The following CSGALNACT1 variants were observed in gnomAD, a reference collection of about 807,000 sequenced individuals.
The protein encoded by CSGALNACT1 is beta4GalNAcT-1.
CSGALNACT1 carries 52 observed loss-of-function variants against 51.0 expected under a neutral mutation model. That is an observed-to-expected ratio of 1.02 (90% CI 0.82 to 1.29). CSGALNACT1 has a LOEUF of 1.29. Among genes scored for constraint, CSGALNACT1 ranks in the 50% most tolerant of loss-of-function variants. The pLI is 0.00. For missense variants in CSGALNACT1, 935 were observed against 679.2 expected (o/e 1.38, Z -4.19); for synonymous variants, 341 against 254.4 (o/e 1.34, Z -3.24).
intron 1 of CSGALNACT1, among the ~76,000 whole-genome samples, chr8:19,733,132 A>G (rs556847982): frequency 6.6e-6 from 1 of 152,376 alleles, no homozygotes; most frequent in African/African-American, 2.4e-5. Flanking sequence ...AAGTGAAAAG[A>G]ACAATCAGTA....
chr8:19,640,043 T>C (rs543730029), intron 1 of CSGALNACT1, among the ~76,000 whole-genome samples: 2 of 151,952 alleles, frequency 1.3e-5, no homozygotes, highest in African/African-American at 4.8e-5. Flanking sequence ...ACCATGCCCA[T>C]TCAACCAAGC....
At chr8:19,702,554 G>C (rs2061938815) in intron 1 of CSGALNACT1, among the ~76,000 whole-genome samples, 1 of 151,964 alleles carries the variant, frequency 6.6e-6, no homozygotes, top group Non-Finnish European at 1.5e-5. Flanking sequence ...TCTTCAACCT[G>C]CATCTGCTCC....
At position 19,457,561 on chromosome 8, in the gene CSGALNACT1, A is replaced by G. The variant is rs559425131; in HGVS notation, c.851+865T>C. On this transcript the variant is annotated intron_variant, in intron 5 of 9. Coordinates refer to ENST00000454498, the Ensembl canonical transcript of CSGALNACT1. The stretch of plus-strand genomic sequence containing the variant: ...CTGGGAGGTGAAGGTTGCAGTGAGC[A>G]GAGTTCGTGCCACTGCACTCCAGCC... The G allele has an allele frequency of 9.3e-5, 63 of 678,198 alleles. 1 individual carries two copies. Among genetic ancestry groups the G allele is most frequent in the Non-Finnish European group, 1.4e-4 (62 of 434,724 alleles). The allele number at this position is 678,198 out of a possible 1,614,324, so 42.0% of individuals were successfully genotyped here.
rs568252438 is a variant in CSGALNACT1 at position 19,677,100 on chromosome 8, T to C, written c.-544+5373A>G. Among the ~76,000 whole-genome samples, 9 of 139,980 alleles carry C rather than the reference T, an allele frequency of 6.4e-5. No homozygotes were observed. The South Asian group carries it at 1.9e-3, about 29-fold the overall frequency. 91.8% of individuals were successfully genotyped at this position (139,980 alleles called of 152,430 possible). A position where few individuals can be genotyped will look rare whatever the true frequency, so the allele number is the denominator to read the frequency against. On this transcript the variant is annotated intron_variant, in intron 1 of 9. Coordinates refer to the CSGALNACT1 transcript ENST00000332246. ...GCACCAGAAGCTAAACAGAGGTGGCTTTGAGAATGCTTTTTTTTTTCCTCC... is the reference window on the plus strand; with the variant it reads ...GCACCAGAAGCTAAACAGAGGTGGCCTTGAGAATGCTTTTTTTTTTCCTCC...
At chr8:19,429,838 C>T (rs1165408610) in intron 6 of CSGALNACT1, among the ~76,000 whole-genome samples, 4 of 152,298 alleles carry the variant, frequency 2.6e-5, no homozygotes, top group East Asian at 1.9e-4. Context: ...TTTTTCATTC[C>T]CAAGAGCAAT....
chr8:19,527,660 T>C (rs1459462844), intron 3 of CSGALNACT1, among the ~76,000 whole-genome samples: 1 of 152,154 alleles, frequency 6.6e-6, no homozygotes, highest in East Asian at 1.9e-4. Flanking sequence ...CTGAGTGGCA[T>C]AGGCTTGGAA....
chr8:19,587,115 C>G (rs554228083), intron 3 of CSGALNACT1, among the ~76,000 whole-genome samples: 42 of 152,252 alleles, frequency 2.8e-4, no homozygotes, highest in African/African-American at 9.9e-4. Context: ...GTCAGGGCTG[C>G]AGGACCAAAA....
At position 19,509,538 on chromosome 8, in the gene CSGALNACT1, C is replaced by T. The variant is rs149649764; in HGVS notation, c.-296-3408G>A. 3.5e-3 allele frequency among the ~76,000 whole-genome samples: 516 copies of T among 146,734 alleles called. 3 individuals carry two copies. Among genetic ancestry groups the T allele is most frequent in the African/African-American group, 0.012 (494 of 39,916 alleles). On this transcript the variant is annotated intron_variant, in intron 3 of 9. Transcript: ENST00000454498. Reference sequence around the variant, plus strand: ...TGTGGAGGCTGAGGCACGAGAATCGCTTGAACCCGGGAGGCAGAGGTTGCA... The same window carrying T: ...TGTGGAGGCTGAGGCACGAGAATCGTTTGAACCCGGGAGGCAGAGGTTGCA...
In CSGALNACT1 at chr8:19,457,849, G is replaced by C. The variant is rs760144096; in HGVS notation, c.851+577C>G. ...ATGAAACCCAGCTTAGTCTCATTGA[G>C]TAGCTACAAAAATGTGGGCTTGAAA... On this transcript the variant is annotated intron_variant, in intron 5 of 9. Coordinates refer to ENST00000454498, the Ensembl canonical transcript of CSGALNACT1. 4.5e-6 allele frequency: 6 copies of C among 1,330,492 alleles called. No homozygotes were observed. The African/African-American group carries it at 7.4e-5, about 16-fold the overall frequency. 82.4% of individuals were successfully genotyped at this position (1,330,492 alleles called of 1,614,324 possible).
intron 6 of CSGALNACT1, among the ~76,000 whole-genome samples, chr8:19,427,284 C>G (rs1462771289): frequency 6.6e-6 from 1 of 152,252 alleles, no homozygotes; most frequent in East Asian, 1.9e-4. Context: ...CAGGCATCAG[C>G]TGATTAGAAT....
intron 4 of CSGALNACT1, among the ~76,000 whole-genome samples, chr8:19,496,267 T>C (rs7818691): frequency 6.6e-6 from 1 of 152,064 alleles, no homozygotes; most frequent in Non-Finnish European, 1.5e-5. Flanking sequence ...ATCACCACCA[T>C]AGAACACAGA....
chr8:19,456,288 G>A (rs559478117), intron 5 of CSGALNACT1, among the ~76,000 whole-genome samples: 5 of 152,234 alleles, frequency 3.3e-5, no homozygotes, highest in African/African-American at 4.8e-5. Context: ...TCCTTTCACC[G>A]AGCAGATACT....
chr8:19,722,774 G>C (rs1409321288), intron 1 of CSGALNACT1, among the ~76,000 whole-genome samples: 2 of 152,168 alleles, frequency 1.3e-5, no homozygotes, highest in Non-Finnish European at 1.5e-5. Flanking sequence ...TATGACTACA[G>C]CACCAGCTCC....
At chr8:19,410,799 T>G (rs780044762) in intron 8 of CSGALNACT1, among the ~76,000 whole-genome samples, 16 of 152,192 alleles carry the variant, frequency 1.1e-4, no homozygotes, top group Non-Finnish European at 2.4e-4. Context: ...CTTGTTGAAA[T>G]TTAGCCCTTT....
At chr8:19,491,085 G>GA (rs33960553) in intron 4 of CSGALNACT1, among the ~76,000 whole-genome samples, 2,201 of 146,836 alleles carry the variant, frequency 0.015, 41 homozygotes, top group African/African-American at 0.049. Flanking sequence ...TACCACTCAG[G>GA]AAAAAAAAAA....
chr8:19,437,712 A>T (rs997723752), intron 6 of CSGALNACT1, among the ~76,000 whole-genome samples: 4 of 152,210 alleles, frequency 2.6e-5, no homozygotes, highest in Non-Finnish European at 5.9e-5. Flanking sequence ...ATATACATAC[A>T]CAATTTAAGA....
At chr8:19,491,022 G>A (rs1228769003) in intron 4 of CSGALNACT1, among the ~76,000 whole-genome samples, 3 of 151,036 alleles carry the variant, frequency 2.0e-5, no homozygotes, top group Non-Finnish European at 4.4e-5. Context: ...AAGTATAACA[G>A]CAACAGAATT....
intron 6 of CSGALNACT1, 106 bp downstream of exon 5, chr8:19,439,724 C>A (rs948596091): frequency 2.3e-6 from 2 of 868,408 alleles, no homozygotes; most frequent in South Asian, 2.8e-5. Context: ...TCCCAGTTCA[C>A]CCACAGTGTA....
chr8:19,423,509 C>G (rs773199458), intron 6 of CSGALNACT1, among the ~76,000 whole-genome samples: 2 of 152,112 alleles, frequency 1.3e-5, no homozygotes, highest in African/African-American at 2.4e-5. Flanking sequence ...CTGGCTTGAG[C>G]TGTTGCTAAT....
Sources: gnomAD v4.1 joint callset for allele counts (sites outside exome capture counted in the v4.1 genomes callset) on GRCh38, gnomAD v4.1.1 for gene constraint, MANE v1.5 for transcripts, NCBI Gene and HGNC (gene_info 2026-07-23, HGNC 2026-07-21) for gene names.